Variants in RELN observed in about 807,000 individuals in gnomAD.
RELN encodes the protein reelin.
A neutral mutation model predicts 427.6 loss-of-function variants in RELN; 108 were observed. The ratio of observed to expected loss-of-function variants is 0.25; its 90% CI spans 0.22 to 0.30. RELN has a LOEUF of 0.30. Ranked by LOEUF, RELN falls within the 10% of genes least tolerant of loss-of-function variation. The pLI is 1.00. For synonymous variants in RELN, 1,524 were observed against 1,513.4 expected, an observed-to-expected ratio of 1.01 and a Z score of -0.16; for missense variants, 3,715 against 4,302.8, an observed-to-expected ratio of 0.86 and a Z score of 3.82.
intron 1 of RELN, among the ~76,000 whole-genome samples, chr7:103,944,302 G>A (rs986395317): frequency 2.6e-5 from 4 of 152,032 alleles, no homozygotes; most frequent in African/African-American, 9.7e-5. Context: ...ACAGTGACTG[G>A]GACTCCTAGA....
chr7:103,774,854 T>C (rs1251165331), intron 4 of RELN, among the ~76,000 whole-genome samples: 1 of 152,210 alleles, frequency 6.6e-6, no homozygotes, highest in Non-Finnish European at 1.5e-5. Flanking sequence ...GTGTTTTTCT[T>C]CTGGTCCTGG....
chr7:103,956,581 A>G (rs1406241742), intron 1 of RELN, among the ~76,000 whole-genome samples: 1 of 152,226 alleles, frequency 6.6e-6, no homozygotes, highest in Non-Finnish European at 1.5e-5. Flanking sequence ...TCATACTGAC[A>G]CACTATAATC....
chr7:103,620,033 A>T lies in RELN; in HGVS notation c.2703-8230T>A, dbSNP rs1832181867. Among the ~76,000 whole-genome samples, 1 of 152,142 alleles carries T rather than the reference A, an allele frequency of 6.6e-6. No homozygotes were observed. Among genetic ancestry groups the T allele is most frequent in the Non-Finnish European group, 1.5e-5 (1 of 68,000 alleles). On this transcript the variant is annotated intron_variant, in intron 20 of 64. Coordinates refer to ENST00000428762, the MANE Select transcript of RELN (RefSeq NM_005045.4). The surrounding 1 kb of genome is among the most constrained non-coding windows in gnomAD (Gnocchi z 4.1). ...TAAGGTTTTGCTGTGCCCCACCCAA[A>T]TCTCATCTTGCATTGTGGTGCCCAT...
chr7:103,597,244 C>T (rs1831558853), intron 24 of RELN, among the ~76,000 whole-genome samples: 1 of 152,280 alleles, frequency 6.6e-6, no homozygotes, highest in South Asian at 2.1e-4. Context: ...AGATATGGCC[C>T]TGACCCTCCT....
intron 24 of RELN, among the ~76,000 whole-genome samples, chr7:103,598,698 G>A (rs1831595932): frequency 6.6e-6 from 1 of 152,206 alleles, no homozygotes; most frequent in Non-Finnish European, 1.5e-5. Context: ...TCACACAAAT[G>A]CTTAGTTTGG....
At chr7:103,858,043 C>T (rs141655609) in intron 2 of RELN, among the ~76,000 whole-genome samples, 3 of 151,818 alleles carry the variant, frequency 2.0e-5, no homozygotes, top group African/African-American at 7.2e-5. Context: ...TTCTATGTCA[C>T]CAGAAGTTAA....
rs1030024979 is a variant in RELN, at chr7:103,757,597, G to A, written c.545-4383C>T. On this transcript the variant is annotated intron_variant, in intron 4 of 64. Transcript: ENST00000428762. ...AACAGAAATGTTCTTAAAGAAGTGGGTTTTGGTTTTGGAGAAAGAATGGGA... is the reference window on the plus strand; with the variant it reads ...AACAGAAATGTTCTTAAAGAAGTGGATTTTGGTTTTGGAGAAAGAATGGGA... Among the ~76,000 whole-genome samples, 55 of 152,188 alleles carry A rather than the reference G, an allele frequency of 3.6e-4. 1 individual carries two copies. Among genetic ancestry groups the A allele is most frequent in the African/African-American group, 1.3e-3 (52 of 41,426 alleles).
intron 1 of RELN, among the ~76,000 whole-genome samples, chr7:103,965,592 C>T (rs1796644401): frequency 6.6e-6 from 1 of 152,166 alleles, no homozygotes. Flanking sequence ...ATCTTCAAGG[C>T]TTGGACGTTA....
At chr7:103,737,193 GT>G (rs376882351) in intron 6 of RELN, among the ~76,000 whole-genome samples, 41 of 152,310 alleles carry the variant, frequency 2.7e-4, no homozygotes, top group African/African-American at 8.9e-4. Flanking sequence ...TATTTATTGT[GT>G]CTGATTTTTT....
At chr7:103,641,676 C>T (rs1283168034) in intron 16 of RELN, among the ~76,000 whole-genome samples, 1 of 152,088 alleles carries the variant, frequency 6.6e-6, no homozygotes, top group African/African-American at 2.4e-5. Flanking sequence ...ATTAAAGAAA[C>T]ATATTATGCT....
chr7:103,724,270 C>A (rs1461360153), intron 7 of RELN, among the ~76,000 whole-genome samples: 2 of 151,966 alleles, frequency 1.3e-5, no homozygotes, highest in Non-Finnish European at 2.9e-5. Context: ...CATATCCTTG[C>A]ACTTTGTTAG....
At chr7:103,901,006 T>C (rs749991553) in intron 2 of RELN, among the ~76,000 whole-genome samples, 2 of 151,964 alleles carry the variant, frequency 1.3e-5, no homozygotes, top group African/African-American at 2.4e-5. Context: ...AGAATGCTTA[T>C]CATATGGTAT....
intron 51 of RELN, among the ~76,000 whole-genome samples, chr7:103,503,893 TA>T (rs71154347): frequency 0.13 from 12,175 of 96,408 alleles, 981 homozygotes; most frequent in African/African-American, 0.29. Flanking sequence ...AATGTTCTTG[TA>T]AAAAAAAAAA....
chr7:103,988,410 A>C lies in RELN; in HGVS notation c.226+721T>G, dbSNP rs1185929692. Among the ~76,000 whole-genome samples the C allele has an allele frequency of 6.6e-6, 1 of 152,264 alleles. No individual in the cohort carries two copies. The highest frequency in any genetic ancestry group is 1.5e-5 in the Non-Finnish European group (1 of 68,046). On this transcript the variant is annotated intron_variant, in intron 1 of 64. Transcript: ENST00000428762. This position sits in a 1 kb window ranked among gnomAD's most constrained non-coding sequence, Gnocchi z 4.9. ...GATTCCAGCCTCTACCTGGAAATTAAAGCTGTGCAGATAAAATACAAAGTC... is the reference window on the plus strand; with the variant it reads ...GATTCCAGCCTCTACCTGGAAATTACAGCTGTGCAGATAAAATACAAAGTC...
intron 2 of RELN, among the ~76,000 whole-genome samples, chr7:103,888,126 T>A (rs1028747787): frequency 6.6e-6 from 1 of 152,082 alleles, no homozygotes; most frequent in African/African-American, 2.4e-5. Context: ...TTCTAACTCA[T>A]CCTCCAGTCT....
At chr7:103,809,081 A>G (rs2116333320) in intron 3 of RELN, among the ~76,000 whole-genome samples, 1 of 152,300 alleles carries the variant, frequency 6.6e-6, no homozygotes, top group East Asian at 1.9e-4. Context: ...TAAGAATGGG[A>G]ATGGCCTTGG....
intron 6 of RELN, among the ~76,000 whole-genome samples, chr7:103,737,370 T>C (rs752203158): frequency 3.0e-4 from 46 of 152,344 alleles, no homozygotes; most frequent in Middle Eastern, 6.8e-3. Flanking sequence ...TGTTTGTTCA[T>C]CAGTCTTACT....
At position 103,603,399 on chromosome 7, in the gene RELN, C is replaced by G. The variant is rs1388603390; in HGVS notation, c.3238G>C (p.Glu1080Gln). The stretch of plus-strand genomic sequence containing the variant: ...CCAATAACTTCTTGCCAGTCAGACT[C>G]CCAGCCATTCTGGTTCTCAAAATCT... The part of the protein sequence containing the change: ...MSDFENQNGW[E>Q]SDWQEVIGGE... Residue 1080 changes from glutamate to glutamine, a missense_variant, in exon 24 of 65, where the codon GAG becomes CAG. Glu to Gln is a conservative substitution (Grantham distance 29). Around this residue, in one of 4 missense-constraint regions of RELN, gnomAD observed 2,208 missense variants for 2,361.7 expected, o/e 0.93. Transcript: ENST00000428762. The surrounding 1 kb of genome is among the most constrained non-coding windows in gnomAD (Gnocchi z 4.3). 6.2e-7 allele frequency: 1 copy of G among 1,613,836 alleles called. No homozygotes were observed. The highest frequency in any genetic ancestry group is 2.2e-5 in the East Asian group (1 of 44,850).
intron 2 of RELN, among the ~76,000 whole-genome samples, chr7:103,898,196 G>T (rs1223682471): frequency 6.6e-6 from 1 of 151,870 alleles, no homozygotes; most frequent in East Asian, 1.9e-4. Context: ...GTGGATATGG[G>T]TGTGTAGGTA....
Sources: gnomAD v4.1 joint callset for allele counts (sites outside exome capture counted in the v4.1 genomes callset) on GRCh38, gnomAD v4.1.1 for gene constraint, gnomAD v4.1.1 regional missense constraint, Gnocchi (gnomAD v3.1) non-coding constraint, MANE v1.5 for transcripts, NCBI Gene and HGNC (gene_info 2026-07-23, HGNC 2026-07-21) for gene names.